PSAP: variants seen among roughly 807,000 people sequenced by gnomAD.
PSAP encodes precursor of saposins.
Under a neutral mutation model 66.0 loss-of-function variants are expected in PSAP, and 25 were observed. That is an observed-to-expected ratio of 0.38 (90% CI 0.28 to 0.53). The LOEUF is 0.53. Ranked by LOEUF, PSAP falls within the 20% of genes least tolerant of loss-of-function variation. The pLI is 0.83. For synonymous variants in PSAP, 273 were observed against 258.9 expected, an observed-to-expected ratio of 1.05 and a Z score of -0.52; for missense variants, 649 against 668.8, an observed-to-expected ratio of 0.97 and a Z score of 0.33.
intron 3 of PSAP, 68 bp downstream of exon 3, chr10:71,831,778 C>T (rs1589452780): frequency 6.8e-7 from 1 of 1,479,134 alleles, no homozygotes; most frequent in Non-Finnish European, 9.4e-7. Context: ...CACCCGGAAT[C>T]ACAGCTCTCT....
At chr10:71,829,854 C>T (rs914538942) in intron 4 of PSAP, among the ~76,000 whole-genome samples, 5 of 152,088 alleles carry the variant, frequency 3.3e-5, no homozygotes, top group Middle Eastern at 3.4e-3. Flanking sequence ...AAAAATTAGC[C>T]GGGCATGATG....
chr10:71,825,926 C>G (rs1353430237), intron 6 of PSAP, 33 bp from the exon 7 acceptor site: 1 of 1,590,752 alleles, frequency 6.3e-7, no homozygotes, highest in Admixed American at 1.7e-5. Context: ...CTAAACAAAT[C>G]ACTGCAACAA....
chr10:71,830,502 A>G (rs934983409), intron 4 of PSAP, among the ~76,000 whole-genome samples: 1 of 152,240 alleles, frequency 6.6e-6, no homozygotes, highest in Non-Finnish European at 1.5e-5. Flanking sequence ...TGCACTTGCA[A>G]TCCTTGAAGA....
rs762571 is a variant in PSAP, at chr10:71,834,742, G to A, written c.41-237C>T. ...ATCTGGTTCACGTTCATCCTCTCTA[G>A]CTACCTTTAAACAGTATCAGGGAGT... On this transcript the variant is annotated intron_variant, in intron 1 of 13. Coordinates refer to ENST00000394936, the MANE Select transcript of PSAP (RefSeq NM_002778.4). 0.59 allele frequency among the ~76,000 whole-genome samples: 89,428 copies of A among 152,040 alleles called. 26,642 individuals carry two copies. Among genetic ancestry groups the A allele is most frequent in the Middle Eastern group, 0.65 (191 of 294 alleles).
chr10:71,824,632 T>C (rs1259547660), intron 7 of PSAP, among the ~76,000 whole-genome samples: 3 of 152,254 alleles, frequency 2.0e-5, no homozygotes, highest in African/African-American at 7.2e-5. Flanking sequence ...TGCAAGCATT[T>C]AGTCATTTGT....
At chr10:71,830,579 A>T (rs541629603) in intron 4 of PSAP, among the ~76,000 whole-genome samples, 4 of 152,196 alleles carry the variant, frequency 2.6e-5, no homozygotes, top group Non-Finnish European at 4.4e-5. Flanking sequence ...CTGTCTTGGG[A>T]AAGTCCTGCC....
At chr10:71,818,755 G>A in intron 12 of PSAP, 31 bp from the exon 13 acceptor site, 1 of 1,561,706 alleles carries the variant, frequency 6.4e-7, no homozygotes. Flanking sequence ...AGAAGAAAGG[G>A]GGAGAATGAG....
chr10:71,823,773 C>G (rs1281987367), intron 7 of PSAP: 1 of 738,470 alleles, frequency 1.4e-6, no homozygotes, highest in Admixed American at 2.9e-5. Context: ...GCCTGCCTCT[C>G]GTAACCATTC....
intron 1 of PSAP, among the ~76,000 whole-genome samples, chr10:71,850,276 C>T (rs1276091354): frequency 4.6e-5 from 7 of 152,170 alleles, no homozygotes; most frequent in Non-Finnish European, 1.0e-4. Flanking sequence ...CTCTCTTAGT[C>T]GGCTACCTGA....
At chr10:71,831,309 G>A in intron 3 of PSAP, 58 bp from the exon 4 acceptor site, 1 of 1,602,414 alleles carries the variant, frequency 6.2e-7, no homozygotes, top group Admixed American at 1.7e-5. Flanking sequence ...GAAATAAATG[G>A]GCTGAAGGCA....
chr10:71,844,284 G>A (rs935691716), intron 1 of PSAP, among the ~76,000 whole-genome samples: 1 of 152,218 alleles, frequency 6.6e-6, no homozygotes, highest in African/African-American at 2.4e-5. Flanking sequence ...TGTTTTCCAT[G>A]TACACAAGGA....
intron 1 of PSAP, among the ~76,000 whole-genome samples, chr10:71,848,653 T>C (rs143830873): frequency 6.6e-6 from 1 of 152,340 alleles, no homozygotes; most frequent in East Asian, 1.9e-4. Flanking sequence ...GGTGGCATTC[T>C]GTACTACGAC....
chr10:71,842,078 T>G (rs760707383), intron 1 of PSAP, among the ~76,000 whole-genome samples: 1 of 151,912 alleles, frequency 6.6e-6, no homozygotes, highest in Non-Finnish European at 1.5e-5. Flanking sequence ...GCAAATCATC[T>G]AAACCAGTGG....
At position 71,819,865 on chromosome 10, in the gene PSAP, C is replaced by T. The variant is rs747117207; in HGVS notation, c.1041G>A (p.Ser347=). ...EILDAFDKMC[S]KLPKSLSEEC... ...CTTCCGACAGGGACTTCGGCAGCTT[C>T]GAGCACATTTTGTCAAAAGCGTCGA... The change falls in exon 10 of 14, where the codon TCG becomes TCA. Residue 347 remains serine, a synonymous_variant. Transcript: ENST00000394936. 8 of 1,614,018 alleles carry T rather than the reference C, an allele frequency of 5.0e-6. No individual in the cohort carries two copies. Among genetic ancestry groups the T allele is most frequent in the South Asian group, 3.3e-5 (3 of 91,084 alleles).
chr10:71,830,772 A>G (rs1205835974), intron 4 of PSAP, among the ~76,000 whole-genome samples: 1 of 152,220 alleles, frequency 6.6e-6, no homozygotes. Context: ...CCTTGATTAT[A>G]AGTTCACAGA....
intron 12 of PSAP, 114 bp from the exon 13 acceptor site, chr10:71,818,838 G>T: frequency 1.9e-6 from 2 of 1,070,344 alleles, no homozygotes; most frequent in Non-Finnish European, 2.9e-6. Flanking sequence ...GCTCCACCAC[G>T]CTCTTTCAGA....
At chr10:71,847,786 T>C (rs1842848989) in intron 1 of PSAP, among the ~76,000 whole-genome samples, 1 of 152,174 alleles carries the variant, frequency 6.6e-6, no homozygotes, top group Non-Finnish European at 1.5e-5. Flanking sequence ...TTACTATTAA[T>C]AAACAGGAGA....
chr10:71,830,159 C>T (rs1842483798), intron 4 of PSAP, among the ~76,000 whole-genome samples: 1 of 152,172 alleles, frequency 6.6e-6, no homozygotes, highest in South Asian at 2.1e-4. Context: ...TAATCATGCC[C>T]ACCCTGCAGA....
intron 7 of PSAP, among the ~76,000 whole-genome samples, chr10:71,824,080 C>G (rs1842356723): frequency 6.6e-6 from 1 of 152,174 alleles, no homozygotes; most frequent in East Asian, 1.9e-4. Context: ...ATCTTGCGGA[C>G]AAGGGGGCCC....
Sources: allele counts gnomAD v4.1 joint callset (sites outside exome capture counted in the v4.1 genomes callset), GRCh38; gene constraint gnomAD v4.1.1; transcripts MANE v1.5; gene names NCBI Gene and HGNC (gene_info 2026-07-23, HGNC 2026-07-21).